Variants in GNB1 observed in about 807,000 individuals in gnomAD.
GNB1 encodes the protein guanine nucleotide-binding protein G(I)/G(S)/G(T) subunit beta-1.
A neutral mutation model predicts 42.9 loss-of-function variants in GNB1; 2 were observed. The observed-to-expected ratio is 0.05, with a 90% confidence interval of 0.02 to 0.15. The LOEUF (loss-of-function observed/expected upper bound fraction) is 0.15, where lower values mean the gene tolerates loss of function less well. Among genes scored for constraint, GNB1 ranks in the 10% least tolerant of loss-of-function variants. The probability of loss-of-function intolerance (pLI) is 1.00; values close to 1 mark genes in which losing one functional copy is unlikely to be tolerated. For missense variants in GNB1, 193 were observed against 462.2 expected, an observed-to-expected ratio of 0.42 and a Z score of 5.34; for synonymous variants, 183 against 174.7, an observed-to-expected ratio of 1.05 and a Z score of -0.38.
At chr1:1,857,404 C>A (rs146563136) in intron 1 of GNB1, among the ~76,000 whole-genome samples, 1 of 152,256 alleles carries the variant, frequency 6.6e-6, no homozygotes, top group East Asian at 1.9e-4. Context: ...CAGGGTTCAA[C>A]GCAGCCTAGG....
intron 1 of GNB1, chr1:1,839,798 G>C (rs960608826): frequency 2.6e-5 from 4 of 152,020 alleles, no homozygotes; most frequent in Admixed American, 2.6e-4. Flanking sequence ...AGGTTGCAGT[G>C]AACCGAGATC....
At chr1:1,845,273 C>A (rs1315220358) in intron 1 of GNB1, among the ~76,000 whole-genome samples, 1 of 152,138 alleles carries the variant, frequency 6.6e-6, no homozygotes, top group Non-Finnish European at 1.5e-5. Flanking sequence ...ATATTGGTGG[C>A]ATAATAATGC....
intron 1 of GNB1, among the ~76,000 whole-genome samples, chr1:1,870,853 G>A (rs1263993151): frequency 7.2e-5 from 11 of 152,002 alleles, no homozygotes; most frequent in East Asian, 1.9e-4. Context: ...CAGGAGAATC[G>A]CTTGAACCTG....
chr1:1,819,077 G>C (rs1285537710), intron 3 of GNB1, among the ~76,000 whole-genome samples: 1 of 152,086 alleles, frequency 6.6e-6, no homozygotes. Flanking sequence ...ATTACTAAGG[G>C]ATCAAAGTTA....
intron 1 of GNB1, among the ~76,000 whole-genome samples, chr1:1,841,303 C>T (rs1647235901): frequency 6.6e-6 from 1 of 152,188 alleles, no homozygotes; most frequent in Non-Finnish European, 1.5e-5. Context: ...ATTTTCCTGC[C>T]TCAGCCTCCT....
chr1:1,875,720 G>A (rs138232770), intron 1 of GNB1, among the ~76,000 whole-genome samples: 14 of 152,108 alleles, frequency 9.2e-5, no homozygotes, highest in Non-Finnish European at 1.6e-4. Context: ...ACCTCCAACA[G>A]AGACTTCATT....
Position 1,791,536 on chromosome 1 carries a change from G to A in GNB1, c.498-940C>T, listed in dbSNP as rs1570621230. On this transcript the variant is annotated intron_variant, in intron 8 of 11. Coordinates refer to ENST00000378609, the MANE Select transcript of GNB1 (RefSeq NM_002074.5). Reference sequence around the variant, plus strand: ...TGTCAAAAGGTGAGACGCTGACAGAGCCCTGCACAGAGCAGAAGCCTGGCT... The same window carrying A: ...TGTCAAAAGGTGAGACGCTGACAGAACCCTGCACAGAGCAGAAGCCTGGCT... Among the ~76,000 whole-genome samples, 5 of 152,334 alleles carry A rather than the reference G, an allele frequency of 3.3e-5. No homozygotes were observed. In the East Asian group the frequency reaches 5.8e-4, roughly 18 times the overall value.
chr1:1,848,363 A>T (rs1276033455), intron 1 of GNB1, among the ~76,000 whole-genome samples: 4 of 150,920 alleles, frequency 2.7e-5, no homozygotes, highest in African/African-American at 9.7e-5. Context: ...CAGGCAAAAA[A>T]AAAAAAAAAA....
rs546154595 is a variant in GNB1, at chr1:1,878,570, C to A, written c.-96+12250G>T. Reference sequence around the variant, plus strand: ...ATGGAAGCACCAGCAATGCCTAGAGCCCTACAGCAGACTCGTCCGCCATCT... The same window carrying A: ...ATGGAAGCACCAGCAATGCCTAGAGACCTACAGCAGACTCGTCCGCCATCT... On this transcript the variant is annotated intron_variant, in intron 1 of 11. Transcript: ENST00000378609. 3.3e-5 allele frequency among the ~76,000 whole-genome samples: 5 copies of A among 152,282 alleles called. No individual in the cohort carries two copies. In the South Asian group the frequency reaches 1.0e-3, roughly 32 times the overall value.
intron 4 of GNB1, among the ~76,000 whole-genome samples, chr1:1,816,712 G>A (rs1395963983): frequency 1.4e-5 from 2 of 142,162 alleles, no homozygotes; most frequent in Admixed American, 7.5e-5. Context: ...GCAGTGGTGC[G>A]ATCTCTGCTC....
In GNB1 at chr1:1,804,368, C is replaced by A. The variant is rs370952335; in HGVS notation, c.430+51G>T. 3.9e-5 allele frequency: 49 copies of A among 1,251,372 alleles called. No individual in the cohort carries two copies. In the African/African-American group the frequency reaches 5.3e-4, roughly 14 times the overall value. The allele number at this position is 1,251,372 out of a possible 1,614,324, so 77.5% of individuals were successfully genotyped here. A position where few individuals can be genotyped will look rare whatever the true frequency, so the allele number is the denominator to read the frequency against. ...GTGAGTATCCAAAGCATATAATGTA[C>A]CCCAGGTAAACAGCTTGTGTCACTT... On this transcript the variant is annotated intron_variant, in intron 7 of 11. Transcript: ENST00000378609.
intron 2 of GNB1, among the ~76,000 whole-genome samples, chr1:1,833,763 C>G (rs1373921135): frequency 6.6e-6 from 1 of 152,120 alleles, no homozygotes; most frequent in Non-Finnish European, 1.5e-5. Context: ...GAGCAGCAGG[C>G]AGATGGGCAA....
chr1:1,827,227 A>G (rs1303544855), intron 2 of GNB1, among the ~76,000 whole-genome samples: 1 of 152,246 alleles, frequency 6.6e-6, no homozygotes, highest in Non-Finnish European at 1.5e-5. Context: ...AATAACCTAC[A>G]GTATAGATAC....
At chr1:1,799,076 T>A (rs1283264563) in intron 7 of GNB1, among the ~76,000 whole-genome samples, 1 of 152,200 alleles carries the variant, frequency 6.6e-6, no homozygotes, top group East Asian at 1.9e-4. Context: ...GCCCGCCACC[T>A]CGCCCGGCTA....
chr1:1,845,368 T>C (rs1010167557), intron 1 of GNB1, among the ~76,000 whole-genome samples: 1 of 152,002 alleles, frequency 6.6e-6, no homozygotes, highest in African/African-American at 2.4e-5. Flanking sequence ...GGTCAGGAGA[T>C]TGAGACCATC....
intron 1 of GNB1, among the ~76,000 whole-genome samples, chr1:1,853,917 T>G (rs956470783): frequency 6.6e-6 from 1 of 152,126 alleles, no homozygotes; most frequent in African/African-American, 2.4e-5. Flanking sequence ...AGGATAGAAG[T>G]GTCAATTGTT....
chr1:1,838,815 G>A (rs982200449), intron 2 of GNB1, among the ~76,000 whole-genome samples: 3 of 152,056 alleles, frequency 2.0e-5, no homozygotes, highest in Admixed American at 6.6e-5. Flanking sequence ...AAAAACTAGC[G>A]ATGTACCACT....
rs188745050 is a variant in GNB1, at chr1:1,820,140, T to C, written c.58-2265A>G. ...AGGCGGCTGAGGTGGGTGGATCACC[T>C]GAGGTCAGGAGTTCAAGACAAGCCT... On this transcript the variant is annotated intron_variant, in intron 3 of 11. Transcript: ENST00000378609. 6.1e-3 allele frequency among the ~76,000 whole-genome samples: 934 copies of C among 152,178 alleles called. 8 individuals are homozygous for C. The highest frequency in any genetic ancestry group is 0.01 in the Non-Finnish European group (707 of 67,992).
intron 1 of GNB1, among the ~76,000 whole-genome samples, chr1:1,872,960 A>G (rs1649330335): frequency 6.6e-6 from 1 of 152,226 alleles, no homozygotes; most frequent in Non-Finnish European, 1.5e-5. Context: ...CACACAGTAT[A>G]GGAAAGGCTG....
Sources: gnomAD v4.1 joint callset for allele counts (sites outside exome capture counted in the v4.1 genomes callset) on GRCh38, gnomAD v4.1.1 for gene constraint, MANE v1.5 for transcripts, NCBI Gene and HGNC (gene_info 2026-07-23, HGNC 2026-07-21) for gene names.